The following KCNU1 variants were observed in gnomAD, a reference collection of about 807,000 sequenced individuals.
KCNU1 encodes the protein potassium calcium-activated channel subfamily U member 1.
A neutral mutation model predicts 126.8 loss-of-function variants in KCNU1; 93 were observed. That is an observed-to-expected ratio of 0.73 (90% CI 0.62 to 0.87). The LOEUF is 0.87. Among genes scored for constraint, KCNU1 ranks in the 40% least tolerant of loss-of-function variants. KCNU1 has a pLI of 0.00. For synonymous variants in KCNU1, 523 were observed against 494.2 expected (o/e 1.06, Z -0.77); for missense variants, 1,330 against 1,367.1 (o/e 0.97, Z 0.43).
chr8:36,847,255 A>T (rs911040639), intron 18 of KCNU1, among the ~76,000 whole-genome samples: 6 of 152,258 alleles, frequency 3.9e-5, no homozygotes, highest in African/African-American at 1.2e-4. Context: ...AATTGCATAT[A>T]TTTTTGAAAT....
intron 23 of KCNU1, among the ~76,000 whole-genome samples, chr8:36,921,992 A>G (rs964321779): frequency 6.6e-6 from 1 of 152,128 alleles, no homozygotes; most frequent in African/African-American, 2.4e-5. Flanking sequence ...TCCCCAAATG[A>G]TTCATATGTG....
intron 19 of KCNU1, among the ~76,000 whole-genome samples, chr8:36,879,373 C>T (rs1326758467): frequency 2.0e-5 from 3 of 151,528 alleles, no homozygotes; most frequent in South Asian, 2.1e-4. Flanking sequence ...ATAGCACACA[C>T]TTGTGGTATA....
At chr8:36,807,729 CAAA>C (rs754633781) in intron 6 of KCNU1, among the ~76,000 whole-genome samples, 44 of 110,522 alleles carry the variant, frequency 4.0e-4, no homozygotes, top group Non-Finnish European at 3.5e-4. Flanking sequence ...GTCCCTCCAC[CAAA>C]AAAAAAAAAA....
intron 16 of KCNU1, among the ~76,000 whole-genome samples, chr8:36,845,204 C>T (rs1194411780): frequency 2.6e-5 from 4 of 152,266 alleles, no homozygotes; most frequent in African/African-American, 9.6e-5. Flanking sequence ...ACTAGTATGA[C>T]GCTAAGCCTG....
intron 18 of KCNU1, among the ~76,000 whole-genome samples, chr8:36,863,618 A>G (rs1323893848): frequency 2.0e-5 from 3 of 152,198 alleles, no homozygotes; most frequent in African/African-American, 7.2e-5. Context: ...TTGTGTGACA[A>G]TGCCTACCTA....
intron 18 of KCNU1, among the ~76,000 whole-genome samples, chr8:36,859,869 A>T (rs986711327): frequency 2.6e-5 from 4 of 152,186 alleles, no homozygotes; most frequent in African/African-American, 9.6e-5. Flanking sequence ...TCAGTACATA[A>T]AGAATATATA....
intron 7 of KCNU1, among the ~76,000 whole-genome samples, chr8:36,808,998 C>T (rs1334697290): frequency 6.6e-6 from 1 of 152,140 alleles, no homozygotes; most frequent in East Asian, 1.9e-4. Flanking sequence ...TCTGTTCCCT[C>T]TTCCAACTTT....
chr8:36,893,630 G>C (rs1807066083), intron 19 of KCNU1, among the ~76,000 whole-genome samples: 1 of 151,870 alleles, frequency 6.6e-6, no homozygotes. Context: ...GGCTACTGTT[G>C]AACTAAAGAT....
At chr8:36,863,796 C>A (rs907591879) in intron 18 of KCNU1, among the ~76,000 whole-genome samples, 1 of 152,118 alleles carries the variant, frequency 6.6e-6, no homozygotes, top group Non-Finnish European at 1.5e-5. Flanking sequence ...TTTCAGCATT[C>A]TTGCATGTAT....
intron 19 of KCNU1, among the ~76,000 whole-genome samples, chr8:36,904,736 G>C (rs1029861870): frequency 5.9e-5 from 9 of 152,248 alleles, no homozygotes; most frequent in African/African-American, 1.9e-4. Context: ...CTCCTCTCCT[G>C]CCTGGTGACT....
At chr8:36,847,815 T>C (rs1166422312) in intron 18 of KCNU1, among the ~76,000 whole-genome samples, 1 of 152,218 alleles carries the variant, frequency 6.6e-6, no homozygotes, top group Non-Finnish European at 1.5e-5. Flanking sequence ...CTGATTATTT[T>C]TATAGATACA....
At position 36,890,905 on chromosome 8, in the gene KCNU1, G is replaced by T. The variant is rs922844348; in HGVS notation, c.2010-14803G>T. Among the ~76,000 whole-genome samples the T allele has an allele frequency of 2.1e-4, 31 of 150,454 alleles. 1 individual carries two copies. The highest frequency in any genetic ancestry group is 7.7e-4 in the African/African-American group (31 of 40,272). Reference sequence around the variant, plus strand: ...CTCCTTTAATTACTATTTTCATGCCGTTATTTTCCATCCTTTTACTTTCAA... The same window carrying T: ...CTCCTTTAATTACTATTTTCATGCCTTTATTTTCCATCCTTTTACTTTCAA... On this transcript the variant is annotated intron_variant, in intron 19 of 26. Coordinates refer to ENST00000399881, the MANE Select transcript of KCNU1 (RefSeq NM_001031836.3).
intron 16 of KCNU1, 130 bp from the exon 17 acceptor site, chr8:36,845,450 C>A: frequency 1.6e-6 from 1 of 611,844 alleles, no homozygotes; most frequent in Non-Finnish European, 2.9e-6. Flanking sequence ...CTGTGTTTGG[C>A]AGTAAGAGGA....
In KCNU1 at chr8:36,935,634, CAT is replaced by C; in HGVS notation, c.3167_3168del (p.Tyr1056Ter). On this transcript the variant is annotated frameshift_variant, in exon 27 of 27. Coordinates refer to ENST00000399881, the MANE Select transcript of KCNU1 (RefSeq NM_001031836.3). LOFTEE classifies it low-confidence loss of function (END_TRUNC). Reference sequence around the variant, plus strand: ...AATGAAGAGTTCTCATTGCAAAAGTCATATGAAATTGTAAATAAAGCATCACA... The same window carrying C: ...AATGAAGAGTTCTCATTGCAAAAGTCATGAAATTGTAAATAAAGCATCACA... 6.2e-7 allele frequency: 1 copy of C among 1,613,420 alleles called. No individual in the cohort carries two copies. Among genetic ancestry groups the C allele is most frequent in the Non-Finnish European group, 8.5e-7 (1 of 1,179,542 alleles).
At chr8:36,854,677 A>G (rs1805470408) in intron 18 of KCNU1, among the ~76,000 whole-genome samples, 1 of 152,168 alleles carries the variant, frequency 6.6e-6, no homozygotes, top group South Asian at 2.1e-4. Flanking sequence ...ATATATTTAA[A>G]TTAGCTGATT....
At chr8:36,891,703 T>C (rs547075212) in intron 19 of KCNU1, among the ~76,000 whole-genome samples, 98 of 152,276 alleles carry the variant, frequency 6.4e-4, no homozygotes, top group Non-Finnish European at 1.1e-3. Context: ...CATTTCTTCA[T>C]CATTTTTGAA....
Position 36,851,535 on chromosome 8 carries a change from T to C in KCNU1, c.1891+5636T>C, listed in dbSNP as rs191218390. ...GAGTCAATTAAACCGTTTTTCTTCA[T>C]AAAATAGTCTCAGGCAGTTCTTTAT... On this transcript the variant is annotated intron_variant, in intron 18 of 26. Transcript: ENST00000399881. Among the ~76,000 whole-genome samples the C allele has an allele frequency of 1.6e-3, 237 of 152,270 alleles. 4 individuals are homozygous for C. The highest frequency in any genetic ancestry group is 5.5e-3 in the African/African-American group (228 of 41,558).
At chr8:36,919,011 C>T (rs1049825757) in intron 23 of KCNU1, 114 bp downstream of exon 23, 86 of 715,458 alleles carry the variant, frequency 1.2e-4, no homozygotes, top group Non-Finnish European at 1.9e-4. Flanking sequence ...CAGAATGGGG[C>T]TCAGAGCTTT....
chr8:36,929,897 G>C (rs1014977062), intron 24 of KCNU1, among the ~76,000 whole-genome samples: 1 of 152,032 alleles, frequency 6.6e-6, no homozygotes, highest in African/African-American at 2.4e-5. Flanking sequence ...TGTAAACAAT[G>C]GGTTGCAGAT....
Sources: gnomAD v4.1 joint callset for allele counts (sites outside exome capture counted in the v4.1 genomes callset) on GRCh38, gnomAD v4.1.1 for gene constraint, MANE v1.5 for transcripts, NCBI Gene and HGNC (gene_info 2026-07-23, HGNC 2026-07-21) for gene names.